Variants in SNCAIP observed in about 807,000 individuals in gnomAD.
The protein encoded by SNCAIP is synphilin-1.
In SNCAIP, 43 loss-of-function variants were observed where a neutral mutation model predicts 86.7. That is an observed-to-expected ratio of 0.50 (90% CI 0.39 to 0.64). SNCAIP has a LOEUF of 0.64. SNCAIP is among the 30% of genes least tolerant of loss of function. The probability of loss-of-function intolerance (pLI) is 0.00; values close to 1 mark genes in which losing one functional copy is unlikely to be tolerated. For synonymous variants in SNCAIP, 417 were observed against 427.2 expected, an observed-to-expected ratio of 0.98 and a Z score of 0.29; for missense variants, 981 against 1,103.1, an observed-to-expected ratio of 0.89 and a Z score of 1.57.
intron 10 of SNCAIP, among the ~76,000 whole-genome samples, chr5:122,456,895 G>C (rs533013547): frequency 5.9e-5 from 9 of 152,206 alleles, no homozygotes; most frequent in African/African-American, 2.2e-4. Context: ...AGAAAAGTTT[G>C]TTAAAGCTGT....
At chr5:122,386,080 C>T (rs1352012672) in intron 1 of SNCAIP, among the ~76,000 whole-genome samples, 1 of 152,148 alleles carries the variant, frequency 6.6e-6, no homozygotes, top group Admixed American at 6.5e-5. Flanking sequence ...AGAATGCATA[C>T]ACTAAAATGA....
At chr5:122,400,849 A>C (rs1014442379) in intron 2 of SNCAIP, 1 of 940,876 alleles carries the variant, frequency 1.1e-6, no homozygotes, top group Non-Finnish European at 1.5e-6. Context: ...AAGTCTGGAA[A>C]ACAAATTTAG....
intron 2 of SNCAIP, among the ~76,000 whole-genome samples, chr5:122,394,240 C>G (rs2152847638): frequency 6.6e-6 from 1 of 152,284 alleles, no homozygotes; most frequent in South Asian, 2.1e-4. Flanking sequence ...TCCTTACTCT[C>G]TAGCTATAGC....
At chr5:122,430,241 C>A (rs913781652) in intron 5 of SNCAIP, among the ~76,000 whole-genome samples, 1 of 152,264 alleles carries the variant, frequency 6.6e-6, no homozygotes, top group African/African-American at 2.4e-5. Flanking sequence ...CTCAGTGAAG[C>A]CTCCCTTGGC....
At chr5:122,415,828 T>C (rs1347374020) in intron 3 of SNCAIP, among the ~76,000 whole-genome samples, 1 of 152,134 alleles carries the variant, frequency 6.6e-6, no homozygotes, top group Non-Finnish European at 1.5e-5. Context: ...TCTCCCTACA[T>C]TTCCTCAAGA....
intron 10 of SNCAIP, 24 bp downstream of exon 10, chr5:122,451,625 C>CT (rs763530716): frequency 2.3e-5 from 33 of 1,446,508 alleles, no homozygotes; most frequent in Non-Finnish European, 2.8e-5. Flanking sequence ...GGAGAATATT[C>CT]TTTTTTTTCC....
intron 1 of SNCAIP, among the ~76,000 whole-genome samples, chr5:122,378,938 G>T (rs1766016059): frequency 7.0e-6 from 1 of 142,114 alleles, no homozygotes; most frequent in Non-Finnish European, 1.5e-5. Flanking sequence ...TTTTGGTACT[G>T]TAGCCTTGTA....
intron 1 of SNCAIP, among the ~76,000 whole-genome samples, chr5:122,315,170 A>G (rs1427939569): frequency 6.6e-6 from 1 of 152,208 alleles, no homozygotes; most frequent in Non-Finnish European, 1.5e-5. Context: ...GCTCAGTGAG[A>G]TGGTTCTTCT....
intron 1 of SNCAIP, among the ~76,000 whole-genome samples, chr5:122,372,307 A>G (rs527482122): frequency 1.3e-5 from 2 of 152,286 alleles, no homozygotes; most frequent in East Asian, 1.9e-4. Context: ...GCCAGTTTCC[A>G]TGGTGTAAAT....
intron 1 of SNCAIP, among the ~76,000 whole-genome samples, chr5:122,316,129 T>G (rs1264143422): frequency 6.6e-6 from 1 of 152,198 alleles, no homozygotes; most frequent in Non-Finnish European, 1.5e-5. Flanking sequence ...TGTTAGCTAT[T>G]GTTTAGTGTT....
intron 1 of SNCAIP, among the ~76,000 whole-genome samples, chr5:122,379,854 G>A (rs376861249): frequency 9.9e-5 from 15 of 151,424 alleles, no homozygotes; most frequent in South Asian, 6.3e-4. Flanking sequence ...ATTGATTTGC[G>A]TATATTGAAC....
At chr5:122,366,538 G>A (rs1360876272) in intron 1 of SNCAIP, among the ~76,000 whole-genome samples, 9 of 152,170 alleles carry the variant, frequency 5.9e-5, no homozygotes, top group Non-Finnish European at 1.0e-4. Context: ...CCATTCATTG[G>A]CAAGTGAAAA....
intron 1 of SNCAIP, among the ~76,000 whole-genome samples, chr5:122,355,846 A>G (rs2152753703): frequency 6.6e-6 from 1 of 152,262 alleles, no homozygotes; most frequent in African/African-American, 2.4e-5. Flanking sequence ...GCTTTTCTGC[A>G]CATAACACAC....
At chr5:122,406,120 G>T (rs1772918825) in intron 3 of SNCAIP, among the ~76,000 whole-genome samples, 1 of 152,176 alleles carries the variant, frequency 6.6e-6, no homozygotes, top group Admixed American at 6.5e-5. Flanking sequence ...ACGGAAAAAT[G>T]TGTCTGCCCA....
chr5:122,409,042 A>G (rs2152890488), intron 3 of SNCAIP, among the ~76,000 whole-genome samples: 1 of 150,970 alleles, frequency 6.6e-6, no homozygotes, highest in East Asian at 1.9e-4. Flanking sequence ...AACCATGTGT[A>G]GCAACTAGTT....
intron 7 of SNCAIP, among the ~76,000 whole-genome samples, chr5:122,441,936 C>T (rs140804261): frequency 2.6e-5 from 4 of 151,984 alleles, no homozygotes; most frequent in African/African-American, 7.2e-5. Context: ...GAAAGTGACC[C>T]GACATATATG....
intron 1 of SNCAIP, among the ~76,000 whole-genome samples, chr5:122,338,672 A>G (rs1015761448): frequency 1.3e-5 from 2 of 152,170 alleles, no homozygotes; most frequent in African/African-American, 2.4e-5. Context: ...CAAAACTTAA[A>G]TATGATTATA....
intron 1 of SNCAIP, among the ~76,000 whole-genome samples, chr5:122,347,208 G>A (rs1297984795): frequency 6.6e-6 from 1 of 152,056 alleles, no homozygotes; most frequent in Non-Finnish European, 1.5e-5. Context: ...TTGTTTGAAA[G>A]GATAGACTGT....
rs184573364 is a variant in SNCAIP at position 122,378,258 on chromosome 5, T to A, written c.-46-12831T>A. Among the ~76,000 whole-genome samples the A allele has an allele frequency of 4.7e-3, 680 of 144,810 alleles. 60 individuals are homozygous for A. The highest frequency in any genetic ancestry group is 0.017 in the African/African-American group (650 of 38,472). On this transcript the variant is annotated intron_variant, in intron 1 of 10. Coordinates refer to ENST00000261368, the MANE Select transcript of SNCAIP (RefSeq NM_005460.4). ...TAACTGGTGTGAGATGGTATCTCAT[T>A]GTGGTTTTGATTTGCATTTCTCTGA...
Sources: gnomAD v4.1 joint callset for allele counts (sites outside exome capture counted in the v4.1 genomes callset) on GRCh38, gnomAD v4.1.1 for gene constraint, MANE v1.5 for transcripts, NCBI Gene and HGNC (gene_info 2026-07-23, HGNC 2026-07-21) for gene names.